Variants in MGP observed in about 807,000 individuals in gnomAD.
MGP encodes the protein cell growth-inhibiting gene 36 protein.
Under a neutral mutation model 14.5 loss-of-function variants are expected in MGP, and 13 were observed. The observed-to-expected ratio is 0.89, with a 90% CI of 0.58 to 1.42. The LOEUF (loss-of-function observed/expected upper bound fraction) is 1.42. Among genes scored for constraint, MGP ranks in the 40% most tolerant of loss-of-function variants. MGP has a pLI of 0.00. For missense variants in MGP, 128 were observed against 133.7 expected, an observed-to-expected ratio of 0.96 and a Z score of 0.21; for synonymous variants, 44 against 46.3, an observed-to-expected ratio of 0.95 and a Z score of 0.20.
At position 14,881,291 on chromosome 12, in the gene MGP, T is replaced by C. The variant is rs1863368806; in HGVS notation, c.*848A>G. ...CTACTGAGATTACAGGTGTGGCCAC[T>C]GTGCCTGGCCCGGGATATTTTCTTA... On this transcript the variant is annotated 3_prime_UTR_variant, in exon 4 of 4. Transcript: ENST00000539261. The C allele has an allele frequency of 6.6e-6, 1 of 152,184 alleles. No individual in the cohort carries two copies. Among genetic ancestry groups the C allele is most frequent in the African/African-American group, 2.4e-5 (1 of 41,456 alleles). 9.4% of individuals were successfully genotyped at this position (152,184 alleles called of 1,614,324 possible).
chr12:14,882,605 C>T (rs1183482627), intron 3 of MGP, among the ~76,000 whole-genome samples: 3 of 150,280 alleles, frequency 2.0e-5, no homozygotes, highest in Non-Finnish European at 4.4e-5. Context: ...GGCTGAGGCA[C>T]GAGATAGTGC....
chr12:14,883,137 G>A, intron 2 of MGP, 90 bp from the exon 3 acceptor site: 1 of 1,064,076 alleles, frequency 9.4e-7, no homozygotes, highest in Non-Finnish European at 1.4e-6. Flanking sequence ...ATATTTGAAA[G>A]TGCCTTAACT....
At chr12:14,885,690 C>G (rs760760802) in intron 1 of MGP, 41 bp downstream of exon 1, 7 of 1,537,736 alleles carry the variant, frequency 4.6e-6, no homozygotes, top group Non-Finnish European at 6.3e-6. Flanking sequence ...AAGTCAGAGG[C>G]AGAAAAGTAA....
chr12:14,884,762 C>T, intron 1 of MGP: 2 of 1,490,280 alleles, frequency 1.3e-6, no homozygotes, highest in Non-Finnish European at 1.8e-6. Flanking sequence ...TCTTAAGAAC[C>T]TGTGTTAAAT....
chr12:14,884,750 C>G (rs968734235), intron 1 of MGP: 13 of 1,438,490 alleles, frequency 9.0e-6, no homozygotes, highest in Middle Eastern at 3.5e-4. Flanking sequence ...GTTCCGAAAG[C>G]CTCTTAAGAA....
rs768823793 is a variant in MGP at position 14,883,053 on chromosome 12, A to G, written c.95-6T>C. On this transcript the variant is annotated splice_region_variant and splice_polypyrimidine_tract_variant and intron_variant, in intron 2 of 3. Coordinates refer to ENST00000539261, the MANE Select transcript of MGP (RefSeq NM_000900.5). ...TCTCCTGTTAATGAAGGGATCTTAG[A>G]ACAGAAAATAAATAAATGCAGTTTT... The G allele has an allele frequency of 4.4e-5, 70 of 1,592,374 alleles. No homozygotes were observed. The highest frequency in any genetic ancestry group is 5.9e-5 in the Non-Finnish European group (68 of 1,160,388).
chr12:14,882,594 A>G (rs2120429698), intron 3 of MGP, among the ~76,000 whole-genome samples: 1 of 151,794 alleles, frequency 6.6e-6, no homozygotes, highest in Non-Finnish European at 1.5e-5. Flanking sequence ...GCTACTTGGG[A>G]GGCTGAGGCA....
chr12:14,884,828 A>G, intron 1 of MGP: 2 of 1,534,758 alleles, frequency 1.3e-6, no homozygotes, highest in Non-Finnish European at 1.7e-6. Context: ...GCACGATGCC[A>G]GTTCAGAGAG....
chr12:14,885,640 G>A (rs1252006224), intron 1 of MGP, 91 bp downstream of exon 1: 5 of 893,302 alleles, frequency 5.6e-6, no homozygotes, highest in African/African-American at 3.3e-5. Context: ...GAGAAAGGGG[G>A]AAGAAGAGGA....
chr12:14,882,269 C>G lies in MGP; in HGVS notation c.182G>C (p.Arg61Pro), dbSNP rs374434209. The G allele has an allele frequency of 6.2e-7, 1 of 1,613,884 alleles. No individual in the cohort carries two copies. The highest frequency in any genetic ancestry group is 1.7e-5 in the Admixed American group (1 of 59,992). The change falls in exon 4 of 4, where the codon CGC becomes CCC. Residue 61 changes from arginine to proline, a missense_variant. Coordinates refer to ENST00000539261, the MANE Select transcript of MGP (RefSeq NM_000900.5). ...ATTGAGCTCGTGGACAGGCTTAGAG[C>G]GTTCTCGGATCCTAGAAAGTGGAAG... is the stretch of plus-strand genomic sequence containing the variant. ...RAKVQERIRERSKPVHELNRE... is the reference protein window; with the variant it reads ...RAKVQERIREPSKPVHELNRE...
chr12:14,885,823 T>C lies in MGP; in HGVS notation c.-32A>G. ...GTCCTGCAGGTCAGTCTCAGGGTCT[T>C]GTGTAGCAGCAGTAGGGAGAGAGGC... On this transcript the variant is annotated 5_prime_UTR_variant, in exon 1 of 4. Coordinates refer to ENST00000539261, the MANE Select transcript of MGP (RefSeq NM_000900.5). 1.2e-6 allele frequency: 2 copies of C among 1,603,868 alleles called. No individual in the cohort carries two copies. The highest frequency in any genetic ancestry group is 2.2e-5 in the South Asian group (2 of 90,742).
intron 1 of MGP, among the ~76,000 whole-genome samples, 166 bp from the exon 2 acceptor site, chr12:14,884,411 C>T (rs1026051223): frequency 6.6e-6 from 1 of 152,084 alleles, no homozygotes; most frequent in South Asian, 2.1e-4. Context: ...TTAGAAATTT[C>T]AGGAATTTAG....
At chr12:14,882,880 G>A (rs1863396187) in intron 3 of MGP, 92 bp downstream of exon 3, 3 of 817,096 alleles carry the variant, frequency 3.7e-6, no homozygotes, top group Non-Finnish European at 6.5e-6. Context: ...TAGAAATAAT[G>A]TATATGATGA....
chr12:14,882,480 C>G (rs1034695640), intron 3 of MGP, among the ~76,000 whole-genome samples, 200 bp from the exon 4 acceptor site: 1 of 152,010 alleles, frequency 6.6e-6, no homozygotes, highest in Non-Finnish European at 1.5e-5. Flanking sequence ...GGGTGGATCA[C>G]TTGAGGTCAG....
chr12:14,885,370 G>T (rs913483009), intron 1 of MGP, among the ~76,000 whole-genome samples: 8 of 152,124 alleles, frequency 5.3e-5, no homozygotes, highest in African/African-American at 1.7e-4. Context: ...AAGGCAAGTG[G>T]TTTAAACAAT....
At chr12:14,884,389 G>A (rs1203505472) in intron 1 of MGP, 144 bp from the exon 2 acceptor site, 3 of 606,266 alleles carry the variant, frequency 4.9e-6, no homozygotes, top group Non-Finnish European at 8.0e-6. Flanking sequence ...AATATATTTA[G>A]CAGTGTGGTT....
At chr12:14,884,694 C>T in intron 1 of MGP, 1 of 742,766 alleles carries the variant, frequency 1.3e-6, no homozygotes. Context: ...AAGAGAACTA[C>T]AGGGCAGTTG....
intron 2 of MGP, 25 bp from the exon 3 acceptor site, chr12:14,883,072 C>T: frequency 6.6e-7 from 1 of 1,511,774 alleles, no homozygotes; most frequent in Non-Finnish European, 9.2e-7. Flanking sequence ...TAAATAAATG[C>T]AGTTTTAGCG....
Position 14,883,341 on chromosome 12 carries a change from A to G in MGP, c.95-294T>C, listed in dbSNP as rs73298981. On this transcript the variant is annotated intron_variant, in intron 2 of 3. Coordinates refer to ENST00000539261, the MANE Select transcript of MGP (RefSeq NM_000900.5). ...TCTGTATTTCTACTTGGTAGATTTT[A>G]AATTCCTTTTGAGGAGAAATTCTCT... 4.9e-3 allele frequency: 1,898 copies of G among 388,112 alleles called. 33 individuals carry two copies. The highest frequency in any genetic ancestry group is 0.036 in the African/African-American group (1,767 of 48,564). 24.0% of individuals were successfully genotyped at this position (388,112 alleles called of 1,614,324 possible).
Sources: gnomAD v4.1 joint callset for allele counts (sites outside exome capture counted in the v4.1 genomes callset) on GRCh38, gnomAD v4.1.1 for gene constraint, MANE v1.5 for transcripts, NCBI Gene and HGNC (gene_info 2026-07-23, HGNC 2026-07-21) for gene names.